CADM2: variants seen among roughly 807,000 people sequenced by gnomAD.
CADM2 encodes the protein cell adhesion molecule 2.
A neutral mutation model predicts 49.8 loss-of-function variants in CADM2; 12 were observed. That is an observed-to-expected ratio of 0.24 (90% CI 0.15 to 0.39). The LOEUF (loss-of-function observed/expected upper bound fraction) is 0.39, where lower values mean the gene tolerates loss of function less well. CADM2 is among the 10% of genes least tolerant of loss of function. The pLI is 1.00. For synonymous variants in CADM2, 214 were observed against 175.4 expected, an observed-to-expected ratio of 1.22 and a Z score of -1.74; for missense variants, 378 against 492.3, an observed-to-expected ratio of 0.77 and a Z score of 2.20.
intron 1 of CADM2, among the ~76,000 whole-genome samples, chr3:85,041,913 C>CA (rs1181458366): frequency 2.0e-5 from 3 of 152,102 alleles, no homozygotes; most frequent in Non-Finnish European, 4.4e-5. Context: ...TGACAGTTGT[C>CA]ACTTTGCTTA....
At chr3:85,299,628 G>T (rs150897225) in intron 1 of CADM2, among the ~76,000 whole-genome samples, 4 of 152,126 alleles carry the variant, frequency 2.6e-5, no homozygotes, top group Non-Finnish European at 4.4e-5. Flanking sequence ...TGTTCTGCCT[G>T]GCCTCCTTGC....
At chr3:85,349,638 A>G (rs1162428396) in intron 1 of CADM2, among the ~76,000 whole-genome samples, 1 of 152,214 alleles carries the variant, frequency 6.6e-6, no homozygotes, top group Non-Finnish European at 1.5e-5. Context: ...AATACAAAAC[A>G]TAGATTGAAC....
chr3:85,359,651 TATATATATATA>T (rs1239485659), intron 1 of CADM2, among the ~76,000 whole-genome samples: 2 of 15,286 alleles, frequency 1.3e-4, no homozygotes, highest in Admixed American at 1.6e-3. Flanking sequence ...TATATATATA[TATATATATATA>T]TATATTTTTT....
chr3:85,058,446 C>CT (rs1180192764), intron 1 of CADM2, among the ~76,000 whole-genome samples: 1 of 151,210 alleles, frequency 6.6e-6, no homozygotes, highest in Non-Finnish European at 1.5e-5. Context: ...TCTTTTTTTT[C>CT]TTTTTTTATT....
chr3:85,753,367 GGA>G (rs1295487020), intron 2 of CADM2, among the ~76,000 whole-genome samples: 1 of 152,030 alleles, frequency 6.6e-6, no homozygotes, highest in African/African-American at 2.4e-5. Context: ...AAAATGATGT[GGA>G]GAGAGTGTAA....
chr3:85,653,202 A>G (rs571211997), intron 1 of CADM2, among the ~76,000 whole-genome samples: 5 of 151,340 alleles, frequency 3.3e-5, no homozygotes, highest in African/African-American at 1.2e-4. Context: ...GCAAAGAACG[A>G]GAATATTAGG....
At chr3:85,403,848 T>C (rs1259063692) in intron 1 of CADM2, among the ~76,000 whole-genome samples, 1 of 152,104 alleles carries the variant, frequency 6.6e-6, no homozygotes, top group Admixed American at 6.6e-5. Context: ...AATGGCTATG[T>C]TGGTATGACA....
At chr3:85,707,326 T>C (rs2066980167) in intron 1 of CADM2, among the ~76,000 whole-genome samples, 1 of 151,884 alleles carries the variant, frequency 6.6e-6, no homozygotes, top group Non-Finnish European at 1.5e-5. Context: ...AAATTCCTTT[T>C]TGTAGATTAC....
chr3:85,084,623 T>C (rs2037302253), intron 1 of CADM2, among the ~76,000 whole-genome samples: 2 of 152,172 alleles, frequency 1.3e-5, no homozygotes, highest in Non-Finnish European at 1.5e-5. Flanking sequence ...GAAATGATAA[T>C]ATTTTCATAA....
At chr3:85,380,192 C>G (rs1337225005) in intron 1 of CADM2, among the ~76,000 whole-genome samples, 1 of 151,830 alleles carries the variant, frequency 6.6e-6, no homozygotes, top group Non-Finnish European at 1.5e-5. Context: ...TCCTGAAACC[C>G]ACAAAAAATA....
chr3:85,766,654 G>A (rs552957559), intron 2 of CADM2, among the ~76,000 whole-genome samples: 98 of 152,244 alleles, frequency 6.4e-4, no homozygotes, highest in African/African-American at 2.3e-3. Flanking sequence ...AATTCTTTAC[G>A]TCAGTTTAGT....
chr3:85,258,481 A>G (rs1477291014), intron 1 of CADM2, among the ~76,000 whole-genome samples: 1 of 150,808 alleles, frequency 6.6e-6, no homozygotes, highest in East Asian at 2.0e-4. Context: ...GAGATAGACA[A>G]TACTCACAAA....
chr3:85,233,175 T>G (rs536187864), intron 1 of CADM2, among the ~76,000 whole-genome samples: 33 of 152,216 alleles, frequency 2.2e-4, no homozygotes, highest in African/African-American at 7.9e-4. Context: ...CTTTATGGCA[T>G]TTTGGAAAAG....
At chr3:85,717,747 A>T (rs555959860) in intron 1 of CADM2, among the ~76,000 whole-genome samples, 6 of 152,054 alleles carry the variant, frequency 3.9e-5, no homozygotes, top group Admixed American at 3.9e-4. Flanking sequence ...TGAGATAATC[A>T]TGTGGTTTTG....
chr3:86,025,030 C>T (rs1283050147), intron 8 of CADM2, among the ~76,000 whole-genome samples: 1 of 151,062 alleles, frequency 6.6e-6, no homozygotes, highest in Admixed American at 6.6e-5. Flanking sequence ...AGGCATGCAC[C>T]ACTATGCCTG....
intron 1 of CADM2, among the ~76,000 whole-genome samples, chr3:85,513,660 T>A (rs1367271959): frequency 1.3e-5 from 2 of 151,958 alleles, no homozygotes; most frequent in Non-Finnish European, 2.9e-5. Flanking sequence ...AGAAAAAACT[T>A]TTTTGGCATA....
At chr3:85,567,421 T>C (rs1268664851) in intron 1 of CADM2, among the ~76,000 whole-genome samples, 1 of 152,178 alleles carries the variant, frequency 6.6e-6, no homozygotes, top group East Asian at 1.9e-4. Context: ...AACCTTAAAT[T>C]CTGTTTGTAA....
intron 2 of CADM2, among the ~76,000 whole-genome samples, chr3:85,768,471 A>AATAG (rs1328729346): frequency 4.5e-4 from 9 of 20,132 alleles, no homozygotes; most frequent in African/African-American, 2.2e-3. Flanking sequence ...ATAAATAAAT[A>AATAG]ATAAATAAAT....
At chr3:85,755,777 C>A (rs1357979244) in intron 2 of CADM2, among the ~76,000 whole-genome samples, 2 of 152,044 alleles carry the variant, frequency 1.3e-5, no homozygotes, top group Non-Finnish European at 2.9e-5. Context: ...AGAGGGGAAT[C>A]CACCCCCATG....
Sources: gnomAD v4.1 joint callset for allele counts (sites outside exome capture counted in the v4.1 genomes callset) on GRCh38, gnomAD v4.1.1 for gene constraint, MANE v1.5 for transcripts, NCBI Gene and HGNC (gene_info 2026-07-23, HGNC 2026-07-21) for gene names.